MAML3: variants seen among roughly 807,000 people sequenced by gnomAD.
MAML3 encodes the protein mastermind like transcriptional coactivator 3, also known as mastermind-like protein 3.
A neutral mutation model predicts 101.9 loss-of-function variants in MAML3; 27 were observed. The ratio of observed to expected loss-of-function variants is 0.27; its 90% CI spans 0.20 to 0.37. The LOEUF is 0.37. Ranked by LOEUF, MAML3 falls within the 10% of genes least tolerant of loss-of-function variation. The pLI is 1.00. For synonymous variants in MAML3, 501 were observed against 555.9 expected (o/e 0.90, Z 1.39); for missense variants, 1,316 against 1,444.9 (o/e 0.91, Z 1.45).
At chr4:140,047,857 A>G (rs1353794782) in intron 1 of MAML3, among the ~76,000 whole-genome samples, 3 of 152,046 alleles carry the variant, frequency 2.0e-5, no homozygotes, top group Non-Finnish European at 4.4e-5. Context: ...TGTGAATTTT[A>G]GCTTTAAATA....
At chr4:139,816,345 C>A (rs1029309489) in intron 2 of MAML3, among the ~76,000 whole-genome samples, 1 of 152,132 alleles carries the variant, frequency 6.6e-6, no homozygotes, top group Non-Finnish European at 1.5e-5. Context: ...GGGCTGAAAT[C>A]GATGAGCAGC....
chr4:139,737,932 T>C (rs370862644), intron 2 of MAML3, among the ~76,000 whole-genome samples: 1 of 152,206 alleles, frequency 6.6e-6, no homozygotes, highest in Non-Finnish European at 1.5e-5. Context: ...ATGATTGAGT[T>C]TGAGGCAGAG....
At chr4:140,136,578 C>T (rs1487512663) in intron 1 of MAML3, among the ~76,000 whole-genome samples, 4 of 152,120 alleles carry the variant, frequency 2.6e-5, no homozygotes, top group Admixed American at 6.5e-5. Context: ...AAATAATGTA[C>T]GATATTAGGA....
chr4:139,810,041 A>C (rs72730240), intron 2 of MAML3, among the ~76,000 whole-genome samples: 9,054 of 152,198 alleles, frequency 0.059, 408 homozygotes, highest in Non-Finnish European at 0.083. Flanking sequence ...GAAATAAAGA[A>C]AGACATGGAC....
chr4:140,116,359 A>G (rs1031381763), intron 1 of MAML3, among the ~76,000 whole-genome samples: 1 of 152,218 alleles, frequency 6.6e-6, no homozygotes, highest in Non-Finnish European at 1.5e-5. Context: ...GCTCCTATTC[A>G]GGAAGATCCT....
intron 1 of MAML3, among the ~76,000 whole-genome samples, chr4:139,953,156 T>A (rs1733859919): frequency 6.6e-6 from 1 of 152,206 alleles, no homozygotes; most frequent in South Asian, 2.1e-4. Flanking sequence ...TACACTTCTA[T>A]ATGCTTGAGA....
chr4:139,933,844 G>A (rs186030809), intron 1 of MAML3, among the ~76,000 whole-genome samples: 2 of 152,352 alleles, frequency 1.3e-5, no homozygotes, highest in Non-Finnish European at 2.9e-5. Context: ...TAGCACAGCA[G>A]GGAAGAGGCG....
chr4:139,889,890 A>C lies in MAML3; in HGVS notation c.1546T>G (p.Ser516Ala), dbSNP rs1275508651. Residue 516 changes from serine to alanine, a missense_variant, in exon 2 of 5, where the codon TCA becomes GCA. By Grantham distance (99) the Ser-to-Ala change is moderately conservative. Coordinates refer to ENST00000509479, the MANE Select transcript of MAML3 (RefSeq NM_018717.5). ...QQQQQHSNQT[S>A]NWSPLGPPSS... ...GGAGGTCCTAAGGGAGACCAATTTG[A>C]AGTCTGATTTGAGTGCTGTTGCTGC... is the stretch of plus-strand genomic sequence containing the variant. 1 of 1,610,614 alleles carries C rather than the reference A, an allele frequency of 6.2e-7. No homozygotes were observed. Among genetic ancestry groups the C allele is most frequent in the East Asian group, 2.3e-5 (1 of 44,132 alleles).
intron 1 of MAML3, among the ~76,000 whole-genome samples, chr4:140,138,174 G>A (rs1252265662): frequency 6.6e-6 from 1 of 152,152 alleles, no homozygotes; most frequent in Non-Finnish European, 1.5e-5. Flanking sequence ...GTTCACTGTG[G>A]GATCCAGACA....
chr4:139,761,519 GAC>G (rs1474411700), intron 2 of MAML3, among the ~76,000 whole-genome samples: 1 of 152,100 alleles, frequency 6.6e-6, no homozygotes, highest in Non-Finnish European at 1.5e-5. Context: ...GATTAGATAG[GAC>G]ACAGAGTCCC....
intron 2 of MAML3, among the ~76,000 whole-genome samples, chr4:139,771,649 G>GA (rs2111067925): frequency 6.6e-6 from 1 of 152,300 alleles, no homozygotes; most frequent in African/African-American, 2.4e-5. Context: ...TTCTGGTTGA[G>GA]AAAACGGAAG....
rs530327738 is a variant in MAML3 at position 139,966,002 on chromosome 4, T to C, written c.469-75035A>G. Among the ~76,000 whole-genome samples the C allele has an allele frequency of 2.0e-5, 3 of 152,290 alleles. No individual in the cohort carries two copies. The East Asian group carries it at 5.8e-4, about 29-fold the overall frequency. ...AATATAATTAACTTGAAGAAAAACATTTGCATCATAACTATACTTGTGTCT... is the reference window on the plus strand; with the variant it reads ...AATATAATTAACTTGAAGAAAAACACTTGCATCATAACTATACTTGTGTCT... On this transcript the variant is annotated intron_variant, in intron 1 of 4. Coordinates refer to ENST00000509479, the MANE Select transcript of MAML3 (RefSeq NM_018717.5).
intron 1 of MAML3, among the ~76,000 whole-genome samples, chr4:140,151,126 G>T (rs985002243): frequency 2.0e-5 from 3 of 152,004 alleles, no homozygotes; most frequent in African/African-American, 7.2e-5. Flanking sequence ...CGGACAAAGC[G>T]CCTCCCGCTC....
intron 2 of MAML3, among the ~76,000 whole-genome samples, chr4:139,865,496 G>GCT (rs1553961147): frequency 8.2e-6 from 1 of 122,626 alleles, no homozygotes; most frequent in African/African-American, 2.7e-5. Flanking sequence ...TTTTTTTTTT[G>GCT]TTTTTTTTTT....
intron 2 of MAML3, among the ~76,000 whole-genome samples, chr4:139,789,544 T>C (rs1162989972): frequency 1.3e-5 from 2 of 151,866 alleles, no homozygotes; most frequent in African/African-American, 2.4e-5. Context: ...TAGGCACGGG[T>C]GGATGTGAAG....
At chr4:140,005,245 A>T (rs914277753) in intron 1 of MAML3, among the ~76,000 whole-genome samples, 5 of 152,204 alleles carry the variant, frequency 3.3e-5, no homozygotes, top group African/African-American at 1.2e-4. Context: ...TTCACTAGAG[A>T]TTCCTAATCC....
At chr4:139,745,464 G>A (rs776485781) in intron 2 of MAML3, among the ~76,000 whole-genome samples, 2 of 152,192 alleles carry the variant, frequency 1.3e-5, no homozygotes, top group Non-Finnish European at 2.9e-5. Flanking sequence ...GAGGTGAGGG[G>A]AAGCTGGCTG....
chr4:139,757,841 C>T (rs1377127790), intron 2 of MAML3, among the ~76,000 whole-genome samples: 1 of 152,032 alleles, frequency 6.6e-6, no homozygotes, highest in African/African-American at 2.4e-5. Flanking sequence ...ACCTTCTTTA[C>T]CTGGCTAACT....
chr4:139,859,317 C>G (rs1025889133), intron 2 of MAML3, among the ~76,000 whole-genome samples: 2 of 150,798 alleles, frequency 1.3e-5, no homozygotes, highest in Non-Finnish European at 2.9e-5. Context: ...ACCTCCACTT[C>G]CTGGGCTAAA....
Sources: allele counts gnomAD v4.1 joint callset (sites outside exome capture counted in the v4.1 genomes callset), GRCh38; gene constraint gnomAD v4.1.1; transcripts MANE v1.5; gene names NCBI Gene and HGNC (gene_info 2026-07-23, HGNC 2026-07-21).